The following MYO7A variants were observed in gnomAD, a reference collection of about 807,000 sequenced individuals.
MYO7A encodes myosin VIIA.
Under a neutral mutation model 263.8 loss-of-function variants are expected in MYO7A, and 210 were observed. That is an observed-to-expected ratio of 0.80 (90% confidence interval 0.71 to 0.89). MYO7A has a LOEUF of 0.89. Ranked by LOEUF, MYO7A falls within the 40% of genes least tolerant of loss-of-function variation. The probability of loss-of-function intolerance (pLI) is 0.00; values close to 1 mark genes in which losing one functional copy is unlikely to be tolerated. For missense variants in MYO7A, 2,820 were observed against 2,968.3 expected (o/e 0.95, Z 1.16); for synonymous variants, 1,239 against 1,197.3 (o/e 1.03, Z -0.72).
At chr11:77,152,083 G>A (rs1952017692) in intron 4 of MYO7A, among the ~76,000 whole-genome samples, 1 of 152,358 alleles carries the variant, frequency 6.6e-6, no homozygotes, top group South Asian at 2.1e-4. Context: ...GGTGGGAGCT[G>A]CAAAGTCCTG....
Position 77,194,442 on chromosome 11 carries a change from C to T in MYO7A, c.4241C>T (p.Pro1414Leu). Residue 1414 changes from proline to leucine, a missense_variant, in exon 32 of 49, where the codon CCC (proline) becomes CTC (leucine). Pro to Leu is a moderately conservative substitution (Grantham distance 98). Transcript: ENST00000409709. The part of the protein sequence containing the change: ...MILERLLNLV[P>L]TYIPDREITP... ...CTGGAGCGCCTCCTGAACCTCGTGC[C>T]CACCTACATCCCCGACCGCGAGATC... 1 of 1,611,668 alleles carries T rather than the reference C, an allele frequency of 6.2e-7. No individual in the cohort carries two copies. Among genetic ancestry groups the T allele is most frequent in the Non-Finnish European group, 8.5e-7 (1 of 1,178,970 alleles).
chr11:77,167,430 G>GA (rs1293277594), intron 15 of MYO7A, among the ~76,000 whole-genome samples: 3 of 152,164 alleles, frequency 2.0e-5, no homozygotes, highest in Non-Finnish European at 4.4e-5. Flanking sequence ...TTTTGCAGAT[G>GA]AGAGACTGAG....
In MYO7A at chr11:77,181,962, A is replaced by T. The variant is rs1955262406; in HGVS notation, c.2916A>T (p.Arg972=). The change falls in exon 24 of 49, where the codon CGA becomes CGT. Residue 972 remains arginine, a synonymous_variant. Transcript: ENST00000409709. The part of the protein sequence containing the change: ...QAPSGFEDLE[R]GRREMVEEDL... Reference sequence around the variant, plus strand: ...CTTGTCTCCTTCAGGACCTGGAGCGAGGGCGGAGGGAGATGGTGGAGGAGG... The same window carrying T: ...CTTGTCTCCTTCAGGACCTGGAGCGTGGGCGGAGGGAGATGGTGGAGGAGG... 6.2e-7 allele frequency: 1 copy of T among 1,612,738 alleles called. No individual in the cohort carries two copies. The highest frequency in any genetic ancestry group is 1.3e-5 in the African/African-American group (1 of 74,760).
intron 10 of MYO7A, among the ~76,000 whole-genome samples, chr11:77,159,861 A>G (rs797040114): frequency 6.6e-6 from 1 of 152,228 alleles, no homozygotes; most frequent in African/African-American, 2.4e-5. Flanking sequence ...GTCTTTTAGC[A>G]AACACTTATT....
Position 77,158,365 on chromosome 11 carries a change from C to T in MYO7A, c.938C>T (p.Thr313Ile). 2 of 1,613,434 alleles carry T rather than the reference C, an allele frequency of 1.2e-6. No individual in the cohort carries two copies. The highest frequency in any genetic ancestry group is 1.1e-5 in the South Asian group (1 of 91,086). ...ATGAAGGTGCTCATGTTCACTGACACCGAGAACTGGGAGATCTCGAAGCTC... is the reference window on the plus strand; with the variant it reads ...ATGAAGGTGCTCATGTTCACTGACATCGAGAACTGGGAGATCTCGAAGCTC... The part of the protein sequence containing the change: ...SAMKVLMFTD[T>I]ENWEISKLLA... The change falls in exon 9 of 49, where the codon ACC becomes ATC. Residue 313 changes from threonine (T) to isoleucine (I), a missense_variant. Coordinates refer to ENST00000409709, the MANE Select transcript of MYO7A (RefSeq NM_000260.4).
At position 77,180,972 on chromosome 11, in the gene MYO7A, A is replaced by G. The variant is rs528420857; in HGVS notation, c.2695-408A>G. ...CATGCTAAGTTAATATTTGGGAAAT[A>G]TTGAGTTAAATATACTGCTAAGACT... On this transcript the variant is annotated intron_variant, in intron 22 of 48. Transcript: ENST00000409709. Among the ~76,000 whole-genome samples, 3 of 152,384 alleles carry G rather than the reference A, an allele frequency of 2.0e-5. No individual in the cohort carries two copies. In the East Asian group the frequency reaches 5.8e-4, roughly 29 times the overall value.
At chr11:77,175,092 T>C (rs974227265) in intron 17 of MYO7A, among the ~76,000 whole-genome samples, 178 bp downstream of exon 17, 1 of 152,206 alleles carries the variant, frequency 6.6e-6, no homozygotes, top group Non-Finnish European at 1.5e-5. Context: ...AGTTGCCATG[T>C]TCAGCTGGTG....
At position 77,197,509 on chromosome 11, in the gene MYO7A, C is replaced by T. The variant is rs1452351264; in HGVS notation, c.4352C>T (p.Ala1451Val). The T allele has an allele frequency of 6.2e-7, 1 of 1,605,832 alleles. No homozygotes were observed. Among genetic ancestry groups the T allele is most frequent in the African/African-American group, 1.3e-5 (1 of 74,924 alleles). ...KGIYAQRRTD[A>V]QKVKEDVVSY... ...ATTTATGCCCAGAGGAGAACTGATG[C>T]CCAGAAGGTCAAAGAGGATGTGGTC... Residue 1451 changes from alanine (A) to valine (V), a missense_variant, in exon 33 of 49, where the codon GCC (alanine) becomes GTC (valine). Ala to Val is a moderately conservative substitution (Grantham distance 64). Coordinates refer to ENST00000409709, the MANE Select transcript of MYO7A (RefSeq NM_000260.4).
At chr11:77,156,174 T>C (rs1952444146) in intron 5 of MYO7A, 83 bp downstream of exon 5, 1 of 1,462,990 alleles carries the variant, frequency 6.8e-7, no homozygotes, top group Non-Finnish European at 9.3e-7. Context: ...CCTCTAGGAA[T>C]TGCCCCCGCT....
chr11:77,161,672 G>A (rs1045666533), intron 12 of MYO7A, among the ~76,000 whole-genome samples: 6 of 152,158 alleles, frequency 3.9e-5, no homozygotes, highest in African/African-American at 4.8e-5. Flanking sequence ...TCCGTGGCTC[G>A]GCCATGTCTG....
rs781953738 is a variant in MYO7A at position 77,142,738 on chromosome 11, G to A, written c.48G>A (p.Leu16=). 8.3e-5 allele frequency: 133 copies of A among 1,611,380 alleles called. No individual in the cohort carries two copies. Among genetic ancestry groups the A allele is most frequent in the Non-Finnish European group, 1.1e-4 (127 of 1,178,964 alleles). The change falls in exon 3 of 49, where the codon TTG becomes TTA. Residue 16 remains leucine, a synonymous_variant. Coordinates refer to ENST00000409709, the MANE Select transcript of MYO7A (RefSeq NM_000260.4). ...QGDHVWMDLR[L]GQEFDVPIGA... ...ACCATGTGTGGATGGACCTGAGATTGGGGCAGGAGTTCGACGTGCCCATCG... is the reference window on the plus strand; with the variant it reads ...ACCATGTGTGGATGGACCTGAGATTAGGGCAGGAGTTCGACGTGCCCATCG...
At chr11:77,156,841 G>A (rs1555062784) in intron 6 of MYO7A, 21 bp from the exon 7 acceptor site, 1 of 1,613,928 alleles carries the variant, frequency 6.2e-7, no homozygotes, top group Non-Finnish European at 8.5e-7. Context: ...CTTTGCCAGT[G>A]ACACCCTACT....
At position 77,181,767 on chromosome 11, in the gene MYO7A, GTTTTTTTTTTTGTTTTT is replaced by G. The variant is rs1394009643; in HGVS notation, c.2905-172_2905-156del. ...TGTCCCTCTCCAACGCCCTTCTCAA[GTTTTTTTTTTTGTTTTT>G]TTTTTTTTTTTTTTTTTTGAGATGG... On this transcript the variant is annotated intron_variant, in intron 23 of 48. Transcript: ENST00000409709. 1.7e-3 allele frequency among the ~76,000 whole-genome samples: 239 copies of G among 138,266 alleles called. 2 individuals carry two copies. The highest frequency in any genetic ancestry group is 4.7e-3 in the African/African-American group (179 of 38,032). The allele number at this position is 138,266 out of a possible 152,430, so 90.7% of individuals were successfully genotyped here. A position where few individuals can be genotyped will look rare whatever the true frequency, so the allele number is the denominator to read the frequency against.
Position 77,161,109 on chromosome 11 carries a change from T to G in MYO7A, c.1337T>G (p.Val446Gly), listed in dbSNP as rs782525835. The stretch of plus-strand genomic sequence containing the variant: ...ATCTTTGGGTTTGAGAACTTTGCTG[T>G]GAACAGGTACCGCGTGGGGCTCTGC... ...LDIFGFENFA[V>G]NSFEQLCINF... is the part of the protein sequence containing the mutation. Residue 446 changes from valine to glycine, a missense_variant, in exon 12 of 49, where the codon GTG (valine) becomes GGG (glycine). Val to Gly is a moderately radical substitution (Grantham distance 109, BLOSUM62 -3). Transcript: ENST00000409709. 1.2e-6 allele frequency: 2 copies of G among 1,614,002 alleles called. No individual in the cohort carries two copies. Among genetic ancestry groups the G allele is most frequent in the Admixed American group, 1.7e-5 (1 of 60,024 alleles).
chr11:77,203,030 G>T, intron 37 of MYO7A, 30 bp from the exon 38 acceptor site: 1 of 1,543,968 alleles, frequency 6.5e-7, no homozygotes, highest in Non-Finnish European at 8.7e-7. Context: ...CAGCGATGGG[G>T]CGTTGCTGAC....
chr11:77,164,505 GT>G (rs1293865110), intron 14 of MYO7A, among the ~76,000 whole-genome samples: 1 of 152,204 alleles, frequency 6.6e-6, no homozygotes, highest in Non-Finnish European at 1.5e-5. Context: ...AGTCAGCAGT[GT>G]ATCAGTGAGC....
In MYO7A at chr11:77,208,901, C is replaced by A. The variant is rs75005020; in HGVS notation, c.6051+98C>A. On this transcript the variant is annotated intron_variant, in intron 44 of 48. Coordinates refer to ENST00000409709, the MANE Select transcript of MYO7A (RefSeq NM_000260.4). ...CCCACTGACCTTGCCAGGTGTGGGG[C>A]CCGTACCAGCCTGGCCTCAAAGGGA... The A allele has an allele frequency of 6.4e-3, 6,187 of 960,612 alleles. 227 individuals are homozygous for A. The African/African-American group carries it at 0.087, about 13-fold the overall frequency. 59.5% of individuals were successfully genotyped at this position (960,612 alleles called of 1,614,324 possible).
intron 4 of MYO7A, among the ~76,000 whole-genome samples, chr11:77,152,796 GA>G (rs1329372214): frequency 3.3e-5 from 5 of 152,246 alleles, no homozygotes; most frequent in African/African-American, 9.6e-5. Flanking sequence ...GATTGTACAG[GA>G]AGGTGCCTGG....
At chr11:77,195,440 C>T (rs1956579090) in intron 32 of MYO7A, among the ~76,000 whole-genome samples, 1 of 152,248 alleles carries the variant, frequency 6.6e-6, no homozygotes, top group African/African-American at 2.4e-5. Flanking sequence ...CCACTGCAGC[C>T]TGTCCAGCTA....
Sources: gnomAD v4.1 joint callset for allele counts (sites outside exome capture counted in the v4.1 genomes callset) on GRCh38, gnomAD v4.1.1 for gene constraint, MANE v1.5 for transcripts, NCBI Gene and HGNC (gene_info 2026-07-23, HGNC 2026-07-21) for gene names.